Variants in ZNF536 observed in about 807,000 individuals in gnomAD.
ZNF536 encodes the protein zinc finger protein 536.
A neutral mutation model predicts 84.5 loss-of-function variants in ZNF536; 13 were observed. The ratio of observed to expected loss-of-function variants is 0.15; its 90% CI spans 0.10 to 0.24. The LOEUF is 0.24. Among genes scored for constraint, ZNF536 ranks in the 10% least tolerant of loss-of-function variants. The pLI is 1.00. For missense variants in ZNF536, 1,536 were observed against 1,747.5 expected (o/e 0.88, Z 2.16); for synonymous variants, 811 against 742.5 (o/e 1.09, Z -1.50).
chr19:30,262,442 C>A (rs1364616326), intron 1 of ZNF536, among the ~76,000 whole-genome samples: 6 of 152,214 alleles, frequency 3.9e-5, no homozygotes, highest in African/African-American at 1.4e-4. Flanking sequence ...TTCCTTGGTG[C>A]CTGATGGCAG....
rs550906147 is a variant in ZNF536 at position 30,576,659 on chromosome 19, C to T, written c.169+27145C>T. ...GCCATGCACCATCCATACCCCCTGC[C>T]TCACTTTCCTCTGCAGCCCACAGTG... On this transcript the variant is annotated intron_variant, in intron 1 of 1. Coordinates refer to the ZNF536 transcript ENST00000592773. Among the ~76,000 whole-genome samples, 8 of 152,342 alleles carry T rather than the reference C, an allele frequency of 5.3e-5. No homozygotes were observed. In the South Asian group the frequency reaches 1.7e-3, roughly 32 times the overall value.
chr19:30,667,603 T>A (rs2050381169), intron 1 of ZNF536, among the ~76,000 whole-genome samples: 1 of 147,966 alleles, frequency 6.8e-6, no homozygotes, highest in African/African-American at 2.5e-5. Context: ...CAGAAGACTC[T>A]CTCAGCTAGA....
chr19:30,432,380 T>G (rs947055903), intron 1 of ZNF536, among the ~76,000 whole-genome samples: 2 of 152,116 alleles, frequency 1.3e-5, no homozygotes, highest in African/African-American at 4.8e-5. Flanking sequence ...GTAACCCACC[T>G]ACTCTCACCA....
At chr19:30,646,877 A>T (rs1199484594) in intron 1 of ZNF536, among the ~76,000 whole-genome samples, 1 of 152,118 alleles carries the variant, frequency 6.6e-6, no homozygotes, top group African/African-American at 2.4e-5. Context: ...AAAATTAATT[A>T]AAAAAACTCA....
At chr19:30,681,287 A>G (rs1226747123) in intron 1 of ZNF536, among the ~76,000 whole-genome samples, 2 of 152,124 alleles carry the variant, frequency 1.3e-5, no homozygotes, top group African/African-American at 4.8e-5. Context: ...CTTTCTGCAG[A>G]CCTGAGCGCC....
intron 2 of ZNF536, among the ~76,000 whole-genome samples, chr19:30,464,768 A>T (rs1372891444): frequency 6.6e-6 from 1 of 152,060 alleles, no homozygotes; most frequent in Admixed American, 6.5e-5. Flanking sequence ...GAAAGGGCAG[A>T]ACATGAGTGC....
At chr19:30,603,135 A>G (rs73028869) in intron 1 of ZNF536, among the ~76,000 whole-genome samples, 18,018 of 152,214 alleles carry the variant, frequency 0.12, 1,135 homozygotes, top group Middle Eastern at 0.15. Context: ...GGGCTAATAC[A>G]TATATTCAAC....
At chr19:30,421,391 A>T (rs28729433) in intron 1 of ZNF536, among the ~76,000 whole-genome samples, 10 of 151,720 alleles carry the variant, frequency 6.6e-5, no homozygotes, top group Non-Finnish European at 8.8e-5. Context: ...CATTTTTTTT[A>T]AATTTTCTTT....
intron 2 of ZNF536, among the ~76,000 whole-genome samples, chr19:30,506,554 C>T (rs1289994917): frequency 3.9e-5 from 6 of 152,140 alleles, no homozygotes; most frequent in East Asian, 1.9e-4. Flanking sequence ...GGAGGTTCTG[C>T]CCTGGGGAAA....
intron 1 of ZNF536, among the ~76,000 whole-genome samples, chr19:30,278,996 A>G (rs889448260): frequency 6.6e-6 from 1 of 152,132 alleles, no homozygotes; most frequent in Non-Finnish European, 1.5e-5. Context: ...ATCCATACCC[A>G]GGCCGCAGGG....
chr19:30,650,186 G>T (rs1417254744), intron 1 of ZNF536, among the ~76,000 whole-genome samples: 6 of 152,212 alleles, frequency 3.9e-5, no homozygotes, highest in Non-Finnish European at 7.3e-5. Flanking sequence ...TGCAGTGTTA[G>T]CGGCACCTAG....
intron 1 of ZNF536, among the ~76,000 whole-genome samples, chr19:30,601,586 G>T (rs1315009511): frequency 1.3e-5 from 2 of 152,198 alleles, no homozygotes; most frequent in Non-Finnish European, 2.9e-5. Context: ...GATGCCATCA[G>T]CTCCTCAGAT....
intron 1 of ZNF536, among the ~76,000 whole-genome samples, chr19:30,619,203 T>C (rs2048399763): frequency 6.6e-6 from 1 of 152,238 alleles, no homozygotes. Flanking sequence ...GCTTATCTTT[T>C]TTTTTCTGTC....
At chr19:30,447,384 T>A (rs529728582) in intron 2 of ZNF536, among the ~76,000 whole-genome samples, 63 of 152,346 alleles carry the variant, frequency 4.1e-4, no homozygotes, top group South Asian at 3.5e-3. Context: ...TACAAACCAG[T>A]AAAGAATTGT....
intron 2 of ZNF536, among the ~76,000 whole-genome samples, chr19:30,530,847 G>A (rs956769522): frequency 6.6e-6 from 1 of 152,230 alleles, no homozygotes; most frequent in Non-Finnish European, 1.5e-5. Flanking sequence ...AAGAGCAGAT[G>A]CACGTTCCCC....
chr19:30,267,774 C>G (rs867153721), intron 1 of ZNF536, among the ~76,000 whole-genome samples: 8 of 152,128 alleles, frequency 5.3e-5, no homozygotes, highest in African/African-American at 1.9e-4. Flanking sequence ...AGTTCTTTCT[C>G]TCTGCTCCAG....
At chr19:30,383,614 CTCTT>C (rs1168643659) in intron 1 of ZNF536, among the ~76,000 whole-genome samples, 1 of 147,050 alleles carries the variant, frequency 6.8e-6, no homozygotes, top group Non-Finnish European at 1.5e-5. Flanking sequence ...CTTTCTTTCT[CTCTT>C]TCTCTTTCTT....
At chr19:30,247,524 A>G (rs559028351) in intron 1 of ZNF536, among the ~76,000 whole-genome samples, 20 of 152,282 alleles carry the variant, frequency 1.3e-4, no homozygotes, top group African/African-American at 4.6e-4. Flanking sequence ...ACCTGGAGAC[A>G]TGGTTAAACA....
chr19:30,537,387 G>A (rs575615744), intron 3 of ZNF536, among the ~76,000 whole-genome samples: 155 of 152,302 alleles, frequency 1.0e-3, no homozygotes, highest in African/African-American at 3.6e-3. Flanking sequence ...GCTGCCTGCA[G>A]GAGTGTGGAA....
Sources: gnomAD v4.1 joint callset for allele counts (sites outside exome capture counted in the v4.1 genomes callset) on GRCh38, gnomAD v4.1.1 for gene constraint, MANE v1.5 for transcripts, NCBI Gene and HGNC (gene_info 2026-07-23, HGNC 2026-07-21) for gene names.